The following PLXND1 variants were observed in gnomAD, a reference collection of about 807,000 sequenced individuals.
PLXND1 encodes the protein plexin D1.
Under a neutral mutation model 197.7 loss-of-function variants are expected in PLXND1, and 54 were observed. The observed-to-expected ratio is 0.27, with a 90% CI of 0.22 to 0.34. The LOEUF (loss-of-function observed/expected upper bound fraction) is 0.34, where lower values mean the gene tolerates loss of function less well. Ranked by LOEUF, PLXND1 falls within the 10% of genes least tolerant of loss-of-function variation. The pLI, the probability that PLXND1 is intolerant of heterozygous loss-of-function variation, is 1.00. For synonymous variants in PLXND1, 1,180 were observed against 1,161.2 expected (o/e 1.02, Z -0.33); for missense variants, 2,127 against 2,699.2 (o/e 0.79, Z 4.70).
chr3:129,562,724 A>G (rs1307837491), intron 27 of PLXND1, 63 bp downstream of exon 27: 1 of 1,487,282 alleles, frequency 6.7e-7, no homozygotes, highest in African/African-American at 1.4e-5. Context: ...GTTTCCCGTC[A>G]AGGCAGGGGC....
rs2085258901 is a variant in PLXND1, at chr3:129,572,938, G to A, written c.2841C>T (p.Ile947=). The part of the protein sequence containing the change: ...LPDRYTVSEE[I]VCVTGPAPGP... Reference sequence around the variant, plus strand: ...CTGGGGCTGGCCCTGTGACACACACGATCCTGAGGGGAGGTGCTGTGGTCA... The same window carrying A: ...CTGGGGCTGGCCCTGTGACACACACAATCCTGAGGGGAGGTGCTGTGGTCA... The change falls in exon 14 of 36, where the codon ATC becomes ATT. Residue 947 remains isoleucine, a synonymous_variant. Transcript: ENST00000324093. 10 of 1,610,386 alleles carry A rather than the reference G, an allele frequency of 6.2e-6. No individual in the cohort carries two copies. In the East Asian group the frequency reaches 1.6e-4, roughly 25 times the overall value.
rs199829526 is a variant in PLXND1, at chr3:129,586,007, C to T, written c.1796G>A (p.Arg599His). ...AGGCAGGACGGTCATGGCAGGACAG[C>T]GGCTGGGGCCCTCGCTGGCACTGGT... is the stretch of plus-strand genomic sequence containing the variant. Reference protein sequence around the residue: ...FWTSASEGPSRCPAMTVLPSE... With the variant: ...FWTSASEGPSHCPAMTVLPSE... The change falls in exon 5 of 36, where the codon CGC (arginine) becomes CAC (histidine). Residue 599 changes from arginine to histidine, a missense_variant. Arg to His is a conservative substitution (Grantham distance 29). Around this residue, in one of 6 missense-constraint regions of PLXND1, gnomAD observed 1,095 missense variants for 1,259.8 expected, o/e 0.87. Transcript: ENST00000324093. 4.0e-5 allele frequency: 65 copies of T among 1,614,006 alleles called. No individual in the cohort carries two copies. Among genetic ancestry groups the T allele is most frequent in the East Asian group, 6.7e-5 (3 of 44,876 alleles).
chr3:129,605,727 C>A lies in PLXND1; in HGVS notation c.913G>T (p.Ala305Ser), dbSNP rs1047081915. 7 of 1,542,844 alleles carry A rather than the reference C, an allele frequency of 4.5e-6. No homozygotes were observed. In the Admixed American group the frequency reaches 7.9e-5, roughly 17 times the overall value. ...SYAYLALNSE[A>S]RAGDKESQAR... The stretch of plus-strand genomic sequence containing the variant: ...TGGCTCTCCTTGTCGCCCGCGCGCG[C>A]CTCGCTGTTGAGCGCCAGGTACGCG... The change falls in exon 1 of 36, where the codon GCG becomes TCG. Residue 305 changes from alanine (A) to serine (S), a missense_variant. Physicochemically the swap from Ala to Ser is moderately conservative, Grantham distance 99. Transcript: ENST00000324093.
At chr3:129,563,927 C>T (rs1025991781) in intron 25 of PLXND1, among the ~76,000 whole-genome samples, 3 of 152,254 alleles carry the variant, frequency 2.0e-5, no homozygotes, top group Non-Finnish European at 2.9e-5. Flanking sequence ...GCAAAGATTA[C>T]GAAGGCAGCC....
rs745583646 is a variant in PLXND1 at position 129,571,712 on chromosome 3, G to A, written c.3210C>T (p.Val1070=). The change falls in exon 16 of 36, where the codon GTC becomes GTT. Residue 1070 remains valine, a synonymous_variant. Transcript: ENST00000324093. ...TGCGGCGGGGACTGATGGCCGTGATGACCGGGTTCTGCATGTACCAGAAGG... is the reference window on the plus strand; with the variant it reads ...TGCGGCGGGGACTGATGGCCGTGATAACCGGGTTCTGCATGTACCAGAAGG... ...NLTFWYMQNP[V]ITAISPRRSP... 6.2e-7 allele frequency: 1 copy of A among 1,613,832 alleles called. No individual in the cohort carries two copies. The highest frequency in any genetic ancestry group is 8.5e-7 in the Non-Finnish European group (1 of 1,179,980).
chr3:129,572,311 CA>C (rs1384996952), intron 15 of PLXND1, among the ~76,000 whole-genome samples: 1 of 152,236 alleles, frequency 6.6e-6, no homozygotes, highest in Non-Finnish European at 1.5e-5. Flanking sequence ...TGCCACTCAC[CA>C]CACCCCTGGG....
intron 2 of PLXND1, 38 bp downstream of exon 2, chr3:129,589,313 C>CCCCCCCCCCCCCCCCCCCCCCCCCCCCCA: frequency 3.4e-6 from 2 of 592,306 alleles, no homozygotes; most frequent in East Asian, 4.2e-5. Context: ...GGGAGCCTCC[C>CCCCCCCCCCCCCCCCCCCCCCCCCCCCCA]ACCCCCACCC....
chr3:129,565,439 C>T lies in PLXND1; in HGVS notation c.4422G>A (p.Ser1474=), dbSNP rs138273738. 5.6e-5 allele frequency: 90 copies of T among 1,613,912 alleles called. No homozygotes were observed. The East Asian group carries it at 8.9e-4, about 16-fold the overall frequency. Residue 1474 remains serine (S), a synonymous_variant, in exon 25 of 36, where the codon TCG becomes TCA. Coordinates refer to ENST00000324093, the MANE Select transcript of PLXND1 (RefSeq NM_015103.3). ...KELLVDLIDA[S]AAKNPKLMLR... is the part of the protein sequence containing the mutation. ...GCATGAGCTTGGGGTTCTTGGCGGC[C>T]GAGGCGTCAATGAGGTCCACCAGCA... is the stretch of plus-strand genomic sequence containing the variant.
chr3:129,556,411 C>T lies in PLXND1; in HGVS notation c.5679G>A (p.Glu1893=). The stretch of plus-strand genomic sequence containing the variant: ...GTGTCCTCCGGGCCGTGGGGTTGGC[C>T]TCCAGCGCGGCCATGATCTGAGGGG... ...RYRPQIMAAL[E]ANPTARRTQL... The change falls in exon 36 of 36, where the codon GAG becomes GAA. Residue 1893 remains glutamate (E), a synonymous_variant. Coordinates refer to ENST00000324093, the MANE Select transcript of PLXND1 (RefSeq NM_015103.3). 1.2e-6 allele frequency: 2 copies of T among 1,614,148 alleles called. No homozygotes were observed. Among genetic ancestry groups the T allele is most frequent in the Non-Finnish European group, 1.7e-6 (2 of 1,179,972 alleles).
chr3:129,593,564 G>A (rs1233980161), intron 1 of PLXND1, among the ~76,000 whole-genome samples: 2 of 152,242 alleles, frequency 1.3e-5, no homozygotes, highest in Admixed American at 6.5e-5. Context: ...CATGCATGAC[G>A]TTCTCCAGCA....
intron 8 of PLXND1, among the ~76,000 whole-genome samples, chr3:129,581,774 C>A (rs1408894954): frequency 6.6e-6 from 1 of 152,194 alleles, no homozygotes; most frequent in African/African-American, 2.4e-5. Context: ...TTTCCCAGGG[C>A]CCAGTACTGA....
At chr3:129,562,279 G>A (rs2085073186) in intron 27 of PLXND1, among the ~76,000 whole-genome samples, 1 of 152,196 alleles carries the variant, frequency 6.6e-6, no homozygotes, top group Non-Finnish European at 1.5e-5. Context: ...TTGGGAGGAT[G>A]AGGCAGGAGG....
At chr3:129,599,318 G>A (rs993696491) in intron 1 of PLXND1, among the ~76,000 whole-genome samples, 4 of 152,230 alleles carry the variant, frequency 2.6e-5, no homozygotes, top group East Asian at 1.9e-4. Context: ...TCTTCCCTGC[G>A]CTCAGCCCAC....
At chr3:129,562,277 A>G (rs933792724) in intron 27 of PLXND1, among the ~76,000 whole-genome samples, 2 of 152,076 alleles carry the variant, frequency 1.3e-5, no homozygotes, top group African/African-American at 4.8e-5. Context: ...CTTTGGGAGG[A>G]TGAGGCAGGA....
intron 31 of PLXND1, 96 bp downstream of exon 31, chr3:129,560,234 C>T (rs1175292273): frequency 5.2e-6 from 4 of 763,838 alleles, no homozygotes; most frequent in African/African-American, 5.2e-5. Context: ...CCTCTCCCAG[C>T]CGCGGGTGCA....
In PLXND1 at chr3:129,555,755, C is replaced by T. The variant is rs942674050; in HGVS notation, c.*557G>A. 1.1e-3 allele frequency: 512 copies of T among 481,358 alleles called. 1 individual carries two copies. Among genetic ancestry groups the T allele is most frequent in the Non-Finnish European group, 1.4e-3 (397 of 276,054 alleles). The allele number at this position is 481,358 out of a possible 1,614,324, so 29.8% of individuals were successfully genotyped here. On this transcript the variant is annotated 3_prime_UTR_variant, in exon 36 of 36. Transcript: ENST00000324093. ...GGGCACTGCCCACTCTACCAACAGCCGCCCAAGCAACAAAAATCTGACACT... is the reference window on the plus strand; with the variant it reads ...GGGCACTGCCCACTCTACCAACAGCTGCCCAAGCAACAAAAATCTGACACT...
chr3:129,564,940 C>T (rs1432200541), intron 25 of PLXND1, among the ~76,000 whole-genome samples: 4 of 152,232 alleles, frequency 2.6e-5, no homozygotes, highest in African/African-American at 4.8e-5. Flanking sequence ...AGCTCTGCTG[C>T]GAGGCACTGG....
chr3:129,589,306 A>AGCCGGG, intron 2 of PLXND1, 45 bp downstream of exon 2: 2 of 677,828 alleles, frequency 3.0e-6, no homozygotes, highest in East Asian at 3.6e-5. Context: ...CTCCCAGGGG[A>AGCCGGG]GCCTCCCACC....
At position 129,578,223 on chromosome 3, in the gene PLXND1, G is replaced by A. The variant is rs1375384739; in HGVS notation, c.2346+106C>T. On this transcript the variant is annotated intron_variant, in intron 9 of 35. Coordinates refer to ENST00000324093, the MANE Select transcript of PLXND1 (RefSeq NM_015103.3). ...CCCACACAGGTGCGAAAGCACTGCA[G>A]TGGGCCCAGAGCAGGGGTCACACCA... 6.7e-6 allele frequency: 5 copies of A among 743,844 alleles called. No homozygotes were observed. The East Asian group carries it at 1.3e-4, about 20-fold the overall frequency. The allele number at this position is 743,844 out of a possible 1,614,324, so 46.1% of individuals were successfully genotyped here.
Sources: gnomAD v4.1 joint callset for allele counts (sites outside exome capture counted in the v4.1 genomes callset) on GRCh38, gnomAD v4.1.1 for gene constraint, gnomAD v4.1.1 regional missense constraint, MANE v1.5 for transcripts, NCBI Gene and HGNC (gene_info 2026-07-23, HGNC 2026-07-21) for gene names.